The following KALRN variants were observed in gnomAD, a reference collection of about 807,000 sequenced individuals.
The protein encoded by KALRN is kalirin RhoGEF kinase.
Under a neutral mutation model 353.7 loss-of-function variants are expected in KALRN, and 70 were observed. The ratio of observed to expected loss-of-function variants is 0.20; its 90% CI spans 0.16 to 0.24. The LOEUF is 0.24. Among genes scored for constraint, KALRN ranks in the 10% least tolerant of loss-of-function variants. The pLI is 1.00. For missense variants in KALRN, 2,791 were observed against 3,756.7 expected (o/e 0.74, Z 6.72); for synonymous variants, 1,391 against 1,434.8 (o/e 0.97, Z 0.69).
At chr3:124,715,747 G>C (rs2063106347) in intron 58 of KALRN, among the ~76,000 whole-genome samples, 1 of 152,216 alleles carries the variant, frequency 6.6e-6, no homozygotes, top group African/African-American at 2.4e-5. Context: ...AGGCTCCTCT[G>C]CATGGGCATT....
At chr3:124,585,221 G>C (rs762956461) in intron 34 of KALRN, among the ~76,000 whole-genome samples, 1 of 152,236 alleles carries the variant, frequency 6.6e-6, no homozygotes, top group Admixed American at 6.5e-5. Flanking sequence ...CGGACGCGGG[G>C]GTGGGAAGGG....
At chr3:124,625,099 A>C (rs1025434049) in intron 34 of KALRN, among the ~76,000 whole-genome samples, 6 of 152,238 alleles carry the variant, frequency 3.9e-5, no homozygotes, top group Non-Finnish European at 8.8e-5. Flanking sequence ...CTCTGGGTCT[A>C]GACATTGTTC....
chr3:124,085,938 G>GGATAATAC (rs1437354781), intron 1 of KALRN, among the ~76,000 whole-genome samples: 9 of 151,976 alleles, frequency 5.9e-5, no homozygotes, highest in Admixed American at 2.0e-4. Context: ...ACAAAAAGTG[G>GGATAATAC]GATAATACAA....
chr3:124,658,440 C>G lies in KALRN; in HGVS notation c.6046C>G (p.Leu2016Val), dbSNP rs748571994. The part of the protein sequence containing the change: ...AQLFIKHERK[L>V]HIYVWYCQNK... The stretch of plus-strand genomic sequence containing the variant: ...CTCTCTGCTCTTTCAGGAGCGGAAG[C>G]TGCACATCTACGTGTGGTATTGTCA... Residue 2016 changes from leucine (L) to valine (V), a missense_variant, in exon 42 of 60, where the codon CTG becomes GTG. Leu to Val is a conservative substitution (Grantham distance 32). Coordinates refer to ENST00000682506, the MANE Select transcript of KALRN (RefSeq NM_001388419.1). The G allele has an allele frequency of 6.2e-7, 1 of 1,613,052 alleles. No individual in the cohort carries two copies.
intron 33 of KALRN, among the ~76,000 whole-genome samples, chr3:124,534,798 T>C (rs980956077): frequency 1.3e-5 from 2 of 150,786 alleles, no homozygotes; most frequent in African/African-American, 4.9e-5. Flanking sequence ...ATTTTTTTAA[T>C]GGGCAAAATA....
intron 33 of KALRN, among the ~76,000 whole-genome samples, chr3:124,529,228 T>C (rs1360878649): frequency 6.6e-6 from 1 of 152,132 alleles, no homozygotes; most frequent in Admixed American, 6.5e-5. Context: ...GCAAGTACAA[T>C]TACATAGCAT....
rs532412849 is a variant in KALRN, at chr3:124,375,571, T to C, written c.1771-9274T>C. On this transcript the variant is annotated intron_variant, in intron 10 of 59. Transcript: ENST00000682506. ...CAGGCCCCAGAGGGTGGCCATGTTT[T>C]CTGGAATCTGGACTGTATTTTTCTT... 2.2e-3 allele frequency among the ~76,000 whole-genome samples: 334 copies of C among 152,298 alleles called. 2 individuals are homozygous for C. Among genetic ancestry groups the C allele is most frequent in the Middle Eastern group, 0.01 (3 of 294 alleles).
At chr3:124,520,804 A>C (rs1182455492) in intron 33 of KALRN, among the ~76,000 whole-genome samples, 3 of 152,236 alleles carry the variant, frequency 2.0e-5, no homozygotes, top group Non-Finnish European at 1.5e-5. Context: ...ACCAAGTACC[A>C]GGAAGACACT....
chr3:124,408,771 C>T (rs1230402625), intron 13 of KALRN, among the ~76,000 whole-genome samples: 1 of 151,562 alleles, frequency 6.6e-6, no homozygotes, highest in Non-Finnish European at 1.5e-5. Context: ...CAGTTCAAAA[C>T]ATCTGGGGAA....
intron 28 of KALRN, among the ~76,000 whole-genome samples, chr3:124,485,302 A>G (rs2062435499): frequency 6.6e-6 from 1 of 152,240 alleles, no homozygotes; most frequent in East Asian, 1.9e-4. Context: ...CAGTGTCTTA[A>G]ATCAACTAAG....
In KALRN at chr3:124,372,803, A is replaced by G. The variant is rs574461988; in HGVS notation, c.1771-12042A>G. ...TTTTTAAACTGCCAAACAAAGTGTT[A>G]AATAGATCACTGTCCTAAGTTCTGA... On this transcript the variant is annotated intron_variant, in intron 10 of 59. Transcript: ENST00000682506. 2.6e-5 allele frequency among the ~76,000 whole-genome samples: 4 copies of G among 152,214 alleles called. No homozygotes were observed. The South Asian group carries it at 8.3e-4, about 32-fold the overall frequency.
intron 5 of KALRN, among the ~76,000 whole-genome samples, chr3:124,282,664 A>G (rs1243414541): frequency 6.6e-6 from 1 of 152,208 alleles, no homozygotes; most frequent in African/African-American, 2.4e-5. Flanking sequence ...GGCATGAGCC[A>G]CCACGCCTGG....
At chr3:124,034,420 T>TC (rs1310077545) in intron 1 of KALRN, among the ~76,000 whole-genome samples, 2 of 152,214 alleles carry the variant, frequency 1.3e-5, no homozygotes, top group African/African-American at 2.4e-5. Context: ...GCCTCGGACC[T>TC]CCCCCTTGTC....
intron 6 of KALRN, among the ~76,000 whole-genome samples, chr3:124,299,704 C>T (rs113246232): frequency 7.2e-5 from 11 of 152,268 alleles, no homozygotes; most frequent in Admixed American, 2.6e-4. Flanking sequence ...ACAATGAGAA[C>T]GGTGCCTGGC....
At chr3:124,599,412 G>A (rs768099718) in intron 34 of KALRN, among the ~76,000 whole-genome samples, 7 of 152,168 alleles carry the variant, frequency 4.6e-5, no homozygotes, top group South Asian at 2.1e-4. Context: ...CCTGAGTCTC[G>A]TCATAATTAT....
chr3:124,652,553 G>A (rs2083527497), intron 38 of KALRN, among the ~76,000 whole-genome samples: 1 of 152,194 alleles, frequency 6.6e-6, no homozygotes, highest in Non-Finnish European at 1.5e-5. Context: ...CTCTGAGGTG[G>A]CAGGTGACCC....
intron 14 of KALRN, among the ~76,000 whole-genome samples, chr3:124,421,737 G>C (rs16835392): frequency 6.6e-6 from 1 of 152,144 alleles, no homozygotes; most frequent in African/African-American, 2.4e-5. Context: ...CTCCGAGTTC[G>C]TTCATTTCTG....
At chr3:124,636,424 A>G (rs2081355004) in intron 36 of KALRN, among the ~76,000 whole-genome samples, 1 of 152,220 alleles carries the variant, frequency 6.6e-6, no homozygotes, top group South Asian at 2.1e-4. Flanking sequence ...AACCACATGG[A>G]CAACTCCTCA....
chr3:124,404,393 G>T (rs632821), intron 13 of KALRN, among the ~76,000 whole-genome samples: 31,167 of 151,816 alleles, frequency 0.21, 3,259 homozygotes, highest in Middle Eastern at 0.24. Context: ...ATGGTCTCTA[G>T]TCACTGACTG....
Sources: gnomAD v4.1 joint callset for allele counts (sites outside exome capture counted in the v4.1 genomes callset) on GRCh38, gnomAD v4.1.1 for gene constraint, MANE v1.5 for transcripts, NCBI Gene and HGNC (gene_info 2026-07-23, HGNC 2026-07-21) for gene names.